The following BICDL1 variants were observed in gnomAD, a reference collection of about 807,000 sequenced individuals.
The protein encoded by BICDL1 is BICD family like cargo adaptor 1.
Under a neutral mutation model 76.8 loss-of-function variants are expected in BICDL1, and 20 were observed. That is an observed-to-expected ratio of 0.26 (90% CI 0.18 to 0.38). The LOEUF is 0.38. Among genes scored for constraint, BICDL1 ranks in the 10% least tolerant of loss-of-function variants. The pLI is 1.00. For synonymous variants in BICDL1, 383 were observed against 337.1 expected (o/e 1.14, Z -1.49); for missense variants, 700 against 798.6 (o/e 0.88, Z 1.49).
intron 2 of BICDL1, among the ~76,000 whole-genome samples, chr12:120,024,551 A>G (rs1309177698): frequency 1.3e-5 from 2 of 152,262 alleles, no homozygotes; most frequent in Non-Finnish European, 2.9e-5. Flanking sequence ...CACAGATCCA[A>G]GAAGTTCATT....
chr12:119,989,934 C>T lies in BICDL1; in HGVS notation c.66C>T (p.Cys22=). 1.4e-6 allele frequency: 2 copies of T among 1,463,342 alleles called. No individual in the cohort carries two copies. Among genetic ancestry groups the T allele is most frequent in the Non-Finnish European group, 1.8e-6 (2 of 1,121,780 alleles). 90.6% of individuals were successfully genotyped at this position (1,463,342 alleles called of 1,614,324 possible). A position where few individuals can be genotyped will look rare whatever the true frequency, so the allele number is the denominator to read the frequency against. ...ASAPAEPDSA[C]CMELPAAAGD... ...CACCCGCCGAGCCGGACAGCGCCTG[C>T]TGCATGGAGCTGCCCGCCGCGGCCG... Residue 22 remains cysteine (C), a synonymous_variant, in exon 1 of 10, where the codon TGC becomes TGT. Coordinates refer to ENST00000548673, the MANE Select transcript of BICDL1 (RefSeq NM_001367886.1).
chr12:120,091,294 A>C (rs1874941382), intron 9 of BICDL1: 2 of 1,080,464 alleles, frequency 1.9e-6, no homozygotes, highest in African/African-American at 3.3e-5. Context: ...AATGATGAGC[A>C]GCGTGTGTCT....
At chr12:120,003,267 C>T (rs774147628) in intron 2 of BICDL1, among the ~76,000 whole-genome samples, 1 of 151,914 alleles carries the variant, frequency 6.6e-6, no homozygotes, top group Non-Finnish European at 1.5e-5. Flanking sequence ...AAGGGAACAG[C>T]ATTCTTTGAT....
rs1875212389 is a variant in BICDL1, at chr12:120,094,070, G to C, written c.*909G>C. On this transcript the variant is annotated 3_prime_UTR_variant, in exon 10 of 10. Transcript: ENST00000548673. The stretch of plus-strand genomic sequence containing the variant: ...TCTGTGGTCAGCCACCCCACCTTGA[G>C]GGCAGCACAGGCACCACGGGGTGGA... 2 of 396,636 alleles carry C rather than the reference G, an allele frequency of 5.0e-6. No individual in the cohort carries two copies. Among genetic ancestry groups the C allele is most frequent in the Non-Finnish European group, 1.0e-5 (2 of 199,704 alleles). 24.6% of individuals were successfully genotyped at this position (396,636 alleles called of 1,614,324 possible). A position where few individuals can be genotyped will look rare whatever the true frequency, so the allele number is the denominator to read the frequency against.
Position 120,061,938 on chromosome 12 carries a change from C to T in BICDL1, c.762+112C>T, listed in dbSNP as rs112448319. ...ATCTCTACAGAAAGACATTTCTGTG[C>T]GAAACTAAATGGGAAACATTTGATC... On this transcript the variant is annotated intron_variant, in intron 3 of 9. Transcript: ENST00000548673. 8.9e-5 allele frequency: 62 copies of T among 693,014 alleles called. 2 individuals are homozygous for T. The highest frequency in any genetic ancestry group is 5.0e-4 in the African/African-American group (28 of 55,624). 42.9% of individuals were successfully genotyped at this position (693,014 alleles called of 1,614,324 possible). A position where few individuals can be genotyped will look rare whatever the true frequency, so the allele number is the denominator to read the frequency against.
intron 8 of BICDL1, among the ~76,000 whole-genome samples, chr12:120,088,725 G>C (rs1012932055): frequency 2.6e-5 from 4 of 151,438 alleles, no homozygotes; most frequent in Non-Finnish European, 5.9e-5. Context: ...GCAGTGCAGT[G>C]GCGCGATCTG....
chr12:120,054,756 T>C (rs1405952506), intron 2 of BICDL1, among the ~76,000 whole-genome samples: 1 of 152,124 alleles, frequency 6.6e-6, no homozygotes, highest in Non-Finnish European at 1.5e-5. Flanking sequence ...GGCACACACC[T>C]GTGGTCCCAG....
intron 2 of BICDL1, among the ~76,000 whole-genome samples, chr12:120,020,104 A>G (rs758030427): frequency 6.6e-6 from 1 of 152,242 alleles, no homozygotes; most frequent in African/African-American, 2.4e-5. Context: ...CCCAGTGCCC[A>G]TATTTTAATT....
At chr12:120,051,121 C>T (rs1952850649) in intron 2 of BICDL1, among the ~76,000 whole-genome samples, 2 of 151,732 alleles carry the variant, frequency 1.3e-5, no homozygotes, top group Non-Finnish European at 2.9e-5. Context: ...GATCCCGGCT[C>T]ACTGCAACCT....
intron 2 of BICDL1, among the ~76,000 whole-genome samples, chr12:120,042,088 G>A (rs1952653229): frequency 6.6e-6 from 1 of 152,150 alleles, no homozygotes; most frequent in South Asian, 2.1e-4. Context: ...GTCTTGGTGG[G>A]TGGTGATGCT....
intron 2 of BICDL1, among the ~76,000 whole-genome samples, chr12:120,028,949 C>G (rs1219460108): frequency 3.9e-5 from 6 of 152,166 alleles, no homozygotes; most frequent in Admixed American, 3.3e-4. Flanking sequence ...GCAGAATCTA[C>G]AGATCCCTTA....
At chr12:120,016,355 T>A (rs112902528) in intron 2 of BICDL1, among the ~76,000 whole-genome samples, 1 of 152,144 alleles carries the variant, frequency 6.6e-6, no homozygotes, top group Non-Finnish European at 1.5e-5. Flanking sequence ...AACATTCATG[T>A]ACAAGTCTTT....
intron 9 of BICDL1, chr12:120,092,058 G>A (rs752449058): frequency 7.0e-5 from 69 of 985,330 alleles, no homozygotes; most frequent in Non-Finnish European, 8.1e-5. Flanking sequence ...GCAGACACAT[G>A]TTACATTTAC....
chr12:120,018,681 A>G (rs892304001), intron 2 of BICDL1, among the ~76,000 whole-genome samples: 1 of 67,318 alleles, frequency 1.5e-5, no homozygotes, highest in Non-Finnish European at 2.7e-5. Context: ...CATCTGGAAA[A>G]TAGGAATTGT....
intron 4 of BICDL1, among the ~76,000 whole-genome samples, chr12:120,068,651 A>T (rs1872840076): frequency 6.6e-6 from 1 of 152,236 alleles, no homozygotes; most frequent in Non-Finnish European, 1.5e-5. Context: ...CCCCGTCTCT[A>T]CTAAAAATAC....
chr12:120,052,082 A>G (rs1265786844), intron 2 of BICDL1, among the ~76,000 whole-genome samples: 1 of 152,098 alleles, frequency 6.6e-6, no homozygotes, highest in Non-Finnish European at 1.5e-5. Context: ...CTGGGACTAC[A>G]GTTGCCCGCC....
At chr12:120,001,888 A>G (rs1206936613) in intron 2 of BICDL1, among the ~76,000 whole-genome samples, 6 of 152,098 alleles carry the variant, frequency 3.9e-5, no homozygotes, top group Non-Finnish European at 8.8e-5. Flanking sequence ...TGTCTTTACA[A>G]AAAAAATGTT....
chr12:119,994,898 AG>A (rs1262467533), intron 1 of BICDL1, among the ~76,000 whole-genome samples: 170 of 152,346 alleles, frequency 1.1e-3, no homozygotes, highest in African/African-American at 3.7e-3. Flanking sequence ...ATCTTATAAT[AG>A]TATGGTACAT....
At chr12:120,092,137 A>C (rs1594228867) in intron 9 of BICDL1, 4 of 985,434 alleles carry the variant, frequency 4.1e-6, no homozygotes, top group Non-Finnish European at 4.8e-6. Context: ...TTAGTGGCAG[A>C]ACTTTTGTCA....
Sources: allele counts gnomAD v4.1 joint callset (sites outside exome capture counted in the v4.1 genomes callset), GRCh38; gene constraint gnomAD v4.1.1; transcripts MANE v1.5; gene names NCBI Gene and HGNC (gene_info 2026-07-23, HGNC 2026-07-21).